Variants in ZZZ3 observed in about 807,000 individuals in gnomAD.
ZZZ3 encodes the protein zinc finger ZZ-type containing 3, also known as ZZ-type zinc finger-containing protein 3.
ZZZ3 carries 22 observed loss-of-function variants against 95.2 expected under a neutral mutation model. The observed-to-expected ratio is 0.23, with a 90% CI of 0.17 to 0.33. ZZZ3 has a LOEUF of 0.33. Ranked by LOEUF, ZZZ3 falls within the 10% of genes least tolerant of loss-of-function variation. ZZZ3 has a pLI of 1.00. For missense variants in ZZZ3, 885 were observed against 1,066.5 expected (o/e 0.83, Z 2.37); for synonymous variants, 335 against 358.9 (o/e 0.93, Z 0.75).
At chr1:77,591,057 C>T (rs568104392) in intron 5 of ZZZ3, among the ~76,000 whole-genome samples, 1 of 152,266 alleles carries the variant, frequency 6.6e-6, no homozygotes, top group African/African-American at 2.4e-5. Context: ...CTTCATTATA[C>T]TTTGCTACTC....
chr1:77,591,579 A>T (rs1234668762), intron 5 of ZZZ3, among the ~76,000 whole-genome samples: 1 of 151,794 alleles, frequency 6.6e-6, no homozygotes. Context: ...CCTGGCCTCA[A>T]GGGATCCTCC....
chr1:77,597,594 T>C (rs1041646531), intron 5 of ZZZ3, among the ~76,000 whole-genome samples: 2 of 152,232 alleles, frequency 1.3e-5, no homozygotes, highest in African/African-American at 4.8e-5. Context: ...GTGATAGAAA[T>C]GGCATTTTAC....
intron 5 of ZZZ3, among the ~76,000 whole-genome samples, chr1:77,598,118 C>G (rs989307979): frequency 2.0e-5 from 3 of 152,078 alleles, no homozygotes; most frequent in Non-Finnish European, 4.4e-5. Context: ...GTCTAAAATA[C>G]TTTTGACTCC....
At chr1:77,641,204 T>C (rs1320603482) in intron 3 of ZZZ3, 180 bp downstream of exon 3, 1 of 194,332 alleles carries the variant, frequency 5.1e-6, no homozygotes, top group Non-Finnish European at 1.0e-5. Context: ...GCAAAGAACA[T>C]CTACAACTTA....
chr1:77,573,653 T>C (rs1661638771), intron 12 of ZZZ3, among the ~76,000 whole-genome samples: 1 of 152,214 alleles, frequency 6.6e-6, no homozygotes, highest in South Asian at 2.1e-4. Context: ...ACAGCAATGA[T>C]AGTAGTCATT....
At chr1:77,665,861 G>A (rs1411258030) in intron 1 of ZZZ3, among the ~76,000 whole-genome samples, 1 of 151,252 alleles carries the variant, frequency 6.6e-6, no homozygotes, top group Admixed American at 6.6e-5. Flanking sequence ...GGCCAACATG[G>A]CAAAACCCAG....
rs1043819185 is a variant in ZZZ3 at position 77,635,836 on chromosome 1, G to A, written c.-51-2431C>T. On this transcript the variant is annotated intron_variant, in intron 4 of 14. Transcript: ENST00000370801. ...CAGGAGAATCGCTTGAACCCAGGAGGCAAAGGTTGCAGTGAGCCGAGATCG... is the reference window on the plus strand; with the variant it reads ...CAGGAGAATCGCTTGAACCCAGGAGACAAAGGTTGCAGTGAGCCGAGATCG... Among the ~76,000 whole-genome samples, 5 of 152,128 alleles carry A rather than the reference G, an allele frequency of 3.3e-5. No individual in the cohort carries two copies. The South Asian group carries it at 1.0e-3, about 32-fold the overall frequency.
At position 77,595,045 on chromosome 1, in the gene ZZZ3, C is replaced by T. The variant is rs146030828; in HGVS notation, c.1506-10390G>A. On this transcript the variant is annotated intron_variant, in intron 5 of 14. Transcript: ENST00000370801. ...TAATATTATCTTGAACTTGCATCAACCCATTCAAACACTTACCATGCACAT... is the reference window on the plus strand; with the variant it reads ...TAATATTATCTTGAACTTGCATCAATCCATTCAAACACTTACCATGCACAT... 3.8e-3 allele frequency among the ~76,000 whole-genome samples: 574 copies of T among 151,896 alleles called. 7 individuals are homozygous for T. Among genetic ancestry groups the T allele is most frequent in the Non-Finnish European group, 4.6e-3 (310 of 67,858 alleles).
intron 5 of ZZZ3, among the ~76,000 whole-genome samples, chr1:77,617,308 G>A (rs182021844): frequency 1.4e-4 from 22 of 152,128 alleles, no homozygotes; most frequent in African/African-American, 3.1e-4. Flanking sequence ...ACCCTTCCCC[G>A]ACCCCCTGGG....
At chr1:77,651,746 G>A (rs1171630649) in intron 1 of ZZZ3, among the ~76,000 whole-genome samples, 4 of 152,094 alleles carry the variant, frequency 2.6e-5, no homozygotes, top group Non-Finnish European at 2.9e-5. Context: ...GGCTGGGCAC[G>A]GTGGCTCAGG....
At chr1:77,660,901 A>G (rs1253895145) in intron 1 of ZZZ3, among the ~76,000 whole-genome samples, 1 of 152,224 alleles carries the variant, frequency 6.6e-6, no homozygotes, top group Non-Finnish European at 1.5e-5. Context: ...TCTAAAAAGA[A>G]TCACACATTT....
chr1:77,639,675 A>G (rs567969940), intron 3 of ZZZ3, 73 bp from the exon 4 acceptor site: 3 of 379,984 alleles, frequency 7.9e-6, no homozygotes, highest in Non-Finnish European at 1.4e-5. Flanking sequence ...TACTCCTTCT[A>G]TAATAAGAAG....
chr1:77,566,036 C>A (rs1396581255), intron 14 of ZZZ3, 45 bp downstream of exon 14: 3 of 1,468,346 alleles, frequency 2.0e-6, no homozygotes, highest in Non-Finnish European at 1.9e-6. Flanking sequence ...CTGAGAAGCT[C>A]TTTTCTTGTC....
At chr1:77,626,784 A>T (rs759332535) in intron 5 of ZZZ3, among the ~76,000 whole-genome samples, 1 of 152,194 alleles carries the variant, frequency 6.6e-6, no homozygotes, top group Non-Finnish European at 1.5e-5. Flanking sequence ...TTTGACTTTA[A>T]TATACCTACC....
chr1:77,582,857 G>C (rs962524583), intron 6 of ZZZ3, among the ~76,000 whole-genome samples: 1 of 152,046 alleles, frequency 6.6e-6, no homozygotes, highest in Non-Finnish European at 1.5e-5. Context: ...TGTAATCTCA[G>C]CACTTTGGGA....
intron 1 of ZZZ3, among the ~76,000 whole-genome samples, chr1:77,682,273 C>G (rs1338955489): frequency 6.6e-6 from 1 of 152,062 alleles, no homozygotes; most frequent in Non-Finnish European, 1.5e-5. Context: ...TAGAAAATGG[C>G]AAGAAGGGAA....
chr1:77,607,496 T>C (rs1050784156), intron 5 of ZZZ3, among the ~76,000 whole-genome samples: 4 of 151,876 alleles, frequency 2.6e-5, no homozygotes, highest in African/African-American at 9.7e-5. Flanking sequence ...AACAAAGAGA[T>C]TGAAAGAAAA....
intron 5 of ZZZ3, among the ~76,000 whole-genome samples, chr1:77,592,364 G>A (rs930691366): frequency 2.0e-5 from 3 of 152,132 alleles, no homozygotes; most frequent in Non-Finnish European, 2.9e-5. Context: ...GTGCAGTGGC[G>A]TGATCTCAGC....
chr1:77,672,413 A>G (rs1282460769), intron 1 of ZZZ3, among the ~76,000 whole-genome samples: 1 of 152,234 alleles, frequency 6.6e-6, no homozygotes, highest in Non-Finnish European at 1.5e-5. Flanking sequence ...AGAACCATAT[A>G]CTGTATTGAG....
Sources: allele counts gnomAD v4.1 joint callset (sites outside exome capture counted in the v4.1 genomes callset), GRCh38; gene constraint gnomAD v4.1.1; transcripts MANE v1.5; gene names NCBI Gene and HGNC (gene_info 2026-07-23, HGNC 2026-07-21).